NXPH1: variants seen among roughly 807,000 people sequenced by gnomAD.
The protein encoded by NXPH1 is neurexophilin 1, also known as neurexophilin-1.
A neutral mutation model predicts 23.7 loss-of-function variants in NXPH1; 5 were observed. The observed-to-expected ratio is 0.21, with a 90% confidence interval of 0.11 to 0.44. The LOEUF is 0.44. Among genes scored for constraint, NXPH1 ranks in the 20% least tolerant of loss-of-function variants. The probability of loss-of-function intolerance (pLI) is 0.99; values close to 1 mark genes in which losing one functional copy is unlikely to be tolerated. For missense variants in NXPH1, 324 were observed against 321.6 expected (o/e 1.01, Z -0.06); for synonymous variants, 144 against 122.2 (o/e 1.18, Z -1.18).
intron 2 of NXPH1, among the ~76,000 whole-genome samples, chr7:8,740,019 C>T (rs1780334051): frequency 6.6e-6 from 1 of 152,178 alleles, no homozygotes; most frequent in South Asian, 2.1e-4. Flanking sequence ...AAGATGACCA[C>T]AGAGTTGTCA....
chr7:8,722,945 G>T (rs1014490981), intron 2 of NXPH1, among the ~76,000 whole-genome samples: 18 of 152,156 alleles, frequency 1.2e-4, no homozygotes, highest in African/African-American at 4.3e-4. Flanking sequence ...CACAACCACA[G>T]AGCAAAAATG....
chr7:8,650,023 A>C (rs1181009214), intron 2 of NXPH1, among the ~76,000 whole-genome samples: 1 of 82,464 alleles, frequency 1.2e-5, no homozygotes, highest in Admixed American at 1.7e-4. Flanking sequence ...AAACCTGTCT[A>C]CTTGGAGGTC....
intron 2 of NXPH1, among the ~76,000 whole-genome samples, chr7:8,573,782 T>A (rs1818697452): frequency 6.6e-6 from 1 of 152,128 alleles, no homozygotes; most frequent in Non-Finnish European, 1.5e-5. Flanking sequence ...ATATTTAAGG[T>A]CATCAGCTAT....
intron 2 of NXPH1, among the ~76,000 whole-genome samples, chr7:8,686,934 G>A (rs1053220493): frequency 1.3e-5 from 2 of 151,948 alleles, no homozygotes; most frequent in Non-Finnish European, 2.9e-5. Flanking sequence ...CCTATAAGAA[G>A]TTTTATTTTT....
chr7:8,717,704 G>A lies in NXPH1; in HGVS notation c.55-33304G>A, dbSNP rs149302701. On this transcript the variant is annotated intron_variant, in intron 2 of 2. Coordinates refer to ENST00000405863, the MANE Select transcript of NXPH1 (RefSeq NM_152745.3). ...ATCTAAGAGATGCTAGCTCCCTCCTGCTACATATGTGGTAAGCTTATTTTT... is the reference window on the plus strand; with the variant it reads ...ATCTAAGAGATGCTAGCTCCCTCCTACTACATATGTGGTAAGCTTATTTTT... 8.0e-4 allele frequency among the ~76,000 whole-genome samples: 121 copies of A among 152,148 alleles called. No individual in the cohort carries two copies. The East Asian group carries it at 0.021, about 27-fold the overall frequency.
chr7:8,474,831 T>G (rs982216563), intron 2 of NXPH1, among the ~76,000 whole-genome samples: 1 of 152,140 alleles, frequency 6.6e-6, no homozygotes, highest in African/African-American at 2.4e-5. Flanking sequence ...CACTTCCCAC[T>G]GGCTTTTTCT....
intron 2 of NXPH1, among the ~76,000 whole-genome samples, chr7:8,613,114 C>T (rs1819654918): frequency 6.6e-6 from 1 of 151,912 alleles, no homozygotes; most frequent in African/African-American, 2.4e-5. Context: ...GTTTTCATGC[C>T]ACTACTACCT....
intron 2 of NXPH1, among the ~76,000 whole-genome samples, chr7:8,529,656 A>G (rs550738494): frequency 1.3e-5 from 2 of 152,226 alleles, no homozygotes; most frequent in East Asian, 3.9e-4. Flanking sequence ...TTAAGCTTAA[A>G]TTTTCCCATG....
At chr7:8,723,814 G>A (rs1053811850) in intron 2 of NXPH1, among the ~76,000 whole-genome samples, 2 of 151,968 alleles carry the variant, frequency 1.3e-5, no homozygotes, top group African/African-American at 4.8e-5. Flanking sequence ...TAGGATTCCA[G>A]GAAGGGGAAG....
At chr7:8,742,893 A>G (rs927188319) in intron 2 of NXPH1, among the ~76,000 whole-genome samples, 5 of 152,336 alleles carry the variant, frequency 3.3e-5, no homozygotes, top group Admixed American at 2.6e-4. Flanking sequence ...GACAAGTGCT[A>G]TTTGAGTTTC....
intron 2 of NXPH1, among the ~76,000 whole-genome samples, chr7:8,617,960 A>T (rs1200935752): frequency 6.6e-6 from 1 of 152,130 alleles, no homozygotes; most frequent in Non-Finnish European, 1.5e-5. Flanking sequence ...TTAAAAAGCA[A>T]GTGGGTACAT....
chr7:8,466,030 C>G (rs1816781455), intron 2 of NXPH1, among the ~76,000 whole-genome samples: 1 of 152,172 alleles, frequency 6.6e-6, no homozygotes, highest in African/African-American at 2.4e-5. Context: ...CTTTAATTCA[C>G]TCAGGTCATT....
At chr7:8,586,615 A>T (rs1481147314) in intron 2 of NXPH1, among the ~76,000 whole-genome samples, 1 of 151,036 alleles carries the variant, frequency 6.6e-6, no homozygotes, top group African/African-American at 2.5e-5. Context: ...TGGCATGTTA[A>T]GAGAATAATG....
intron 2 of NXPH1, among the ~76,000 whole-genome samples, chr7:8,599,846 T>C (rs192553884): frequency 6.6e-6 from 1 of 151,464 alleles, no homozygotes; most frequent in Admixed American, 6.6e-5. Context: ...ATTGTTGGTA[T>C]TAGTTTAGTA....
chr7:8,724,187 C>A (rs953371641), intron 2 of NXPH1, among the ~76,000 whole-genome samples: 1 of 152,144 alleles, frequency 6.6e-6, no homozygotes, highest in Non-Finnish European at 1.5e-5. Context: ...CCAGCAGTTA[C>A]CACAAAAGTT....
chr7:8,489,113 A>T (rs1164690231), intron 2 of NXPH1, among the ~76,000 whole-genome samples: 2 of 152,082 alleles, frequency 1.3e-5, no homozygotes, highest in Non-Finnish European at 2.9e-5. Flanking sequence ...AGAGAATTTC[A>T]TGTGATTGGC....
chr7:8,663,651 A>G (rs147698064), intron 2 of NXPH1, among the ~76,000 whole-genome samples: 5 of 152,118 alleles, frequency 3.3e-5, no homozygotes, highest in African/African-American at 1.2e-4. Context: ...CATTAATCTA[A>G]TAGTCTGATT....
intron 2 of NXPH1, among the ~76,000 whole-genome samples, chr7:8,502,245 A>G (rs1817449278): frequency 6.6e-6 from 1 of 152,042 alleles, no homozygotes; most frequent in Non-Finnish European, 1.5e-5. Flanking sequence ...TTTAGATTTT[A>G]TTGTACTAAG....
intron 2 of NXPH1, among the ~76,000 whole-genome samples, chr7:8,748,496 A>G (rs533700508): frequency 6.6e-6 from 1 of 152,290 alleles, no homozygotes; most frequent in Non-Finnish European, 1.5e-5. Context: ...AAAAGGACTG[A>G]CTGCATACAC....
Sources: allele counts gnomAD v4.1 joint callset (sites outside exome capture counted in the v4.1 genomes callset), GRCh38; gene constraint gnomAD v4.1.1; transcripts MANE v1.5; gene names NCBI Gene and HGNC (gene_info 2026-07-23, HGNC 2026-07-21).